ADGRV1: variants seen among roughly 807,000 people sequenced by gnomAD.
ADGRV1 encodes the protein adhesion G protein-coupled receptor V1.
Under a neutral mutation model 596.2 loss-of-function variants are expected in ADGRV1, and 359 were observed. The observed-to-expected ratio is 0.60, with a 90% CI of 0.55 to 0.66. The LOEUF (loss-of-function observed/expected upper bound fraction) is 0.66, where lower values mean the gene tolerates loss of function less well. ADGRV1 is among the 30% of genes least tolerant of loss of function. ADGRV1 has a pLI of 0.00. For synonymous variants in ADGRV1, 2,681 were observed against 2,679.2 expected (o/e 1.00, Z -0.02); for missense variants, 7,274 against 7,575.6 (o/e 0.96, Z 1.48).
intron 25 of ADGRV1, 90 bp from the exon 26 acceptor site, chr5:90,679,459 C>A: frequency 3.8e-6 from 3 of 779,266 alleles, no homozygotes; most frequent in South Asian, 2.0e-5. Context: ...CTGCATTTTC[C>A]TCTTTGCTTG....
intron 86 of ADGRV1, among the ~76,000 whole-genome samples, chr5:91,095,269 A>T (rs1443880583): frequency 1.3e-5 from 2 of 151,754 alleles, no homozygotes; most frequent in Non-Finnish European, 2.9e-5. Flanking sequence ...TGGCACAGTC[A>T]GCTCACTGAA....
Position 90,691,026 on chromosome 5 carries a change from T to A in ADGRV1, c.6936T>A (p.Val2312=), listed in dbSNP as rs1335740636. The change falls in exon 31 of 90, where the codon GTT becomes GTA. Residue 2312 remains valine, a synonymous_variant. Coordinates refer to ENST00000405460, the MANE Select transcript of ADGRV1 (RefSeq NM_032119.4). ...TGTTAGAGGTCCTGGCTGACGACGT[T>A]CCGGAGATTGAAGAGGTGAGAGGAC... ...TLLLEVLADD[V]PEIEEVIQVQ... The A allele has an allele frequency of 1.2e-6, 2 of 1,613,570 alleles. No individual in the cohort carries two copies. Among genetic ancestry groups the A allele is most frequent in the South Asian group, 2.2e-5 (2 of 91,066 alleles).
chr5:90,865,173 TAGC>T (rs993921981), intron 83 of ADGRV1, among the ~76,000 whole-genome samples: 12 of 152,140 alleles, frequency 7.9e-5, no homozygotes, highest in Non-Finnish European at 1.3e-4. Flanking sequence ...CTATGAGAAG[TAGC>T]AGTGGTTACC....
rs1184334930 is a variant in ADGRV1 at position 90,694,266 on chromosome 5, G to C, written c.7510G>C (p.Glu2504Gln). The C allele has an allele frequency of 1.2e-6, 2 of 1,613,968 alleles. No individual in the cohort carries two copies. The highest frequency in any genetic ancestry group is 3.3e-5 in the Admixed American group (2 of 60,006). Residue 2504 changes from glutamate to glutamine, a missense_variant, in exon 33 of 90, where the codon GAG (glutamate) becomes CAG (glutamine). Glu to Gln is a conservative substitution (Grantham distance 29, BLOSUM62 2). Around this residue, in one of 5 missense-constraint regions of ADGRV1, gnomAD observed 3,643 missense variants for 3,809.2 expected, o/e 0.96. Transcript: ENST00000405460. ...TCAGGCTGTGGCTGGGAGTGACTAT[G>C]AGCCTGTGACAAGGCAATGGGCCAT... ...SGQAVAGSDYEPVTRQWAIMQ... is the reference protein window; with the variant it reads ...SGQAVAGSDYQPVTRQWAIMQ...
intron 87 of ADGRV1, among the ~76,000 whole-genome samples, chr5:91,130,325 A>C (rs1395792017): frequency 6.6e-6 from 1 of 151,460 alleles, no homozygotes; most frequent in Non-Finnish European, 1.5e-5. Context: ...TGAGGTCAGG[A>C]GTTCAAGACT....
At chr5:90,889,089 A>G (rs182663316) in intron 83 of ADGRV1, among the ~76,000 whole-genome samples, 464 of 152,260 alleles carry the variant, frequency 3.0e-3, no homozygotes, top group African/African-American at 0.011. Context: ...AAGTTTTTCA[A>G]AAAGAGTTAC....
intron 21 of ADGRV1, 51 bp downstream of exon 21, chr5:90,658,329 A>T: frequency 6.9e-7 from 1 of 1,458,948 alleles, no homozygotes. Flanking sequence ...TTGTAGGTGG[A>T]TTTGTTTGGG....
chr5:90,853,157 T>A (rs191468172), intron 79 of ADGRV1, 127 bp from the exon 80 acceptor site: 69 of 858,910 alleles, frequency 8.0e-5, no homozygotes, highest in Middle Eastern at 3.3e-4. Context: ...TTACTGCTTC[T>A]GGGTTTGTTG....
In ADGRV1 at chr5:90,647,596, A is replaced by G. The variant is rs1169928717; in HGVS notation, c.3121A>G (p.Lys1041Glu). Residue 1041 changes from lysine (K) to glutamate (E), a missense_variant, in exon 17 of 90, where the codon AAG becomes GAG. Coordinates refer to ENST00000405460, the MANE Select transcript of ADGRV1 (RefSeq NM_032119.4). Reference protein sequence around the residue: ...DVTCMVQYATKDGKATARERD... With the variant: ...DVTCMVQYATEDGKATARERD... ...GACTTGCATGGTCCAGTATGCTACCAAGGATGGGAAGGCTACTGCAAGAGA... is the reference window on the plus strand; with the variant it reads ...GACTTGCATGGTCCAGTATGCTACCGAGGATGGGAAGGCTACTGCAAGAGA... 1 of 1,613,852 alleles carries G rather than the reference A, an allele frequency of 6.2e-7. No individual in the cohort carries two copies. Among genetic ancestry groups the G allele is most frequent in the Non-Finnish European group, 8.5e-7 (1 of 1,179,872 alleles).
At chr5:90,891,549 G>T (rs1343754067) in intron 83 of ADGRV1, among the ~76,000 whole-genome samples, 1 of 151,796 alleles carries the variant, frequency 6.6e-6, no homozygotes, top group Non-Finnish European at 1.5e-5. Context: ...GAGCAAAAAG[G>T]AGAAACTTTT....
intron 9 of ADGRV1, among the ~76,000 whole-genome samples, chr5:90,633,382 A>C (rs932941655): frequency 2.0e-5 from 2 of 99,354 alleles, no homozygotes; most frequent in African/African-American, 9.8e-5. Flanking sequence ...TCTTTTTAGA[A>C]AGTTTTGTGT....
chr5:90,789,846 A>G lies in ADGRV1; in HGVS notation c.14038A>G (p.Ile4680Val). 7.2e-7 allele frequency: 1 copy of G among 1,392,484 alleles called. No individual in the cohort carries two copies. Among genetic ancestry groups the G allele is most frequent in the East Asian group, 2.6e-5 (1 of 39,098 alleles). The allele number at this position is 1,392,484 out of a possible 1,614,324, so 86.3% of individuals were successfully genotyped here. The change falls in exon 69 of 90, where the codon ATT becomes GTT. Residue 4680 changes from isoleucine to valine, a missense_variant. Transcript: ENST00000405460. Reference sequence around the variant, plus strand: ...AAGAGTCAAGGGCACCTTTGGAGAGATTATGGTATTACTTTTCATTTGATT... The same window carrying G: ...AAGAGTCAAGGGCACCTTTGGAGAGGTTATGGTATTACTTTTCATTTGATT... ...VRRVKGTFGE[I>V]MVYWELSSEF...
intron 70 of ADGRV1, among the ~76,000 whole-genome samples, chr5:90,796,923 G>A (rs1416258021): frequency 6.6e-6 from 1 of 152,126 alleles, no homozygotes; most frequent in Non-Finnish European, 1.5e-5. Flanking sequence ...AGCAAATGCT[G>A]AGAGATTTTG....
chr5:91,069,798 A>G (rs1276644862), intron 85 of ADGRV1, among the ~76,000 whole-genome samples: 2 of 152,182 alleles, frequency 1.3e-5, no homozygotes, highest in African/African-American at 2.4e-5. Context: ...CAAAAAAGAC[A>G]CAAGTACTTA....
chr5:90,885,510 G>A lies in ADGRV1; in HGVS notation c.17856+21653G>A, dbSNP rs565922897. On this transcript the variant is annotated intron_variant, in intron 83 of 89. Coordinates refer to ENST00000405460, the MANE Select transcript of ADGRV1 (RefSeq NM_032119.4). Reference sequence around the variant, plus strand: ...TGTCTCTACAAAACCTCCAGTTAAAGTGAAAATCTGTGGGAAATAACAAAC... The same window carrying A: ...TGTCTCTACAAAACCTCCAGTTAAAATGAAAATCTGTGGGAAATAACAAAC... 2.0e-5 allele frequency among the ~76,000 whole-genome samples: 3 copies of A among 152,228 alleles called. No homozygotes were observed. The East Asian group carries it at 5.8e-4, about 29-fold the overall frequency.
At chr5:90,882,991 T>C (rs1769940037) in intron 83 of ADGRV1, among the ~76,000 whole-genome samples, 1 of 152,112 alleles carries the variant, frequency 6.6e-6, no homozygotes. Context: ...GATAGCTTTT[T>C]TGGGTAGTAA....
In ADGRV1 at chr5:90,653,457, G is replaced by T. The variant is rs1768936368; in HGVS notation, c.3883G>T (p.Gly1295Cys). Reference sequence around the variant, plus strand: ...AATACTGTCCAGTGAGTTCCCTGCTGGTTTGCCACCAATGATAGATTTTTT... The same window carrying T: ...AATACTGTCCAGTGAGTTCCCTGCTTGTTTGCCACCAATGATAGATTTTTT... The part of the protein sequence containing the change: ...WEILSSEFPA[G>C]LPPMIDFLLV... Residue 1295 changes from glycine to cysteine, a missense_variant, in exon 20 of 90, where the codon GGT becomes TGT. By Grantham distance (159) the Gly-to-Cys change is radical (BLOSUM62 -3). This residue lies in a region of ADGRV1 where 1,715 missense variants were observed against 1,708.8 expected (regional missense o/e 1.00). Transcript: ENST00000405460. The T allele has an allele frequency of 1.2e-6, 2 of 1,613,780 alleles. No individual in the cohort carries two copies. Among genetic ancestry groups the T allele is most frequent in the African/African-American group, 1.3e-5 (1 of 74,896 alleles).
chr5:90,972,011 A>C (rs144645309), intron 84 of ADGRV1, among the ~76,000 whole-genome samples: 1 of 152,202 alleles, frequency 6.6e-6, no homozygotes, highest in African/African-American at 2.4e-5. Flanking sequence ...AGGAAAATCT[A>C]CCAAGCAAAT....
intron 75 of ADGRV1, among the ~76,000 whole-genome samples, chr5:90,822,462 G>T (rs978248884): frequency 1.3e-5 from 2 of 152,052 alleles, no homozygotes; most frequent in Non-Finnish European, 1.5e-5. Flanking sequence ...TATTTCTGAG[G>T]GCTCTGTTCT....
Sources: gnomAD v4.1 joint callset for allele counts (sites outside exome capture counted in the v4.1 genomes callset) on GRCh38, gnomAD v4.1.1 for gene constraint, gnomAD v4.1.1 regional missense constraint, MANE v1.5 for transcripts, NCBI Gene and HGNC (gene_info 2026-07-23, HGNC 2026-07-21) for gene names.